AKAP13: variants seen among roughly 807,000 people sequenced by gnomAD.
AKAP13 encodes the protein A-kinase anchoring protein 13, also known as A-kinase anchor protein 13.
AKAP13 carries 80 observed loss-of-function variants against 264.5 expected under a neutral mutation model. That is an observed-to-expected ratio of 0.30 (90% CI 0.25 to 0.36). The LOEUF is 0.36. Ranked by LOEUF, AKAP13 falls within the 10% of genes least tolerant of loss-of-function variation. The pLI is 1.00. For missense variants in AKAP13, 3,712 were observed against 3,435.2 expected (o/e 1.08, Z -2.01); for synonymous variants, 1,380 against 1,250.2 (o/e 1.10, Z -2.19).
In AKAP13 at chr15:85,523,054, A is replaced by G. The variant is rs537084030; in HGVS notation, c.181+1479A>G. On this transcript the variant is annotated intron_variant, in intron 3 of 36. Coordinates refer to ENST00000394518, the MANE Select transcript of AKAP13 (RefSeq NM_007200.5). Reference sequence around the variant, plus strand: ...TAACAGAAGGATTAGAGTCCTTGAAAGACCTTTTTTTACTTCTGGAAGGCC... The same window carrying G: ...TAACAGAAGGATTAGAGTCCTTGAAGGACCTTTTTTTACTTCTGGAAGGCC... 2.6e-5 allele frequency among the ~76,000 whole-genome samples: 4 copies of G among 152,052 alleles called. No individual in the cohort carries two copies. The South Asian group carries it at 8.3e-4, about 32-fold the overall frequency.
At chr15:85,657,496 G>T (rs889887686) in intron 11 of AKAP13, among the ~76,000 whole-genome samples, 1 of 152,140 alleles carries the variant, frequency 6.6e-6, no homozygotes, top group Non-Finnish European at 1.5e-5. Context: ...GTTTGCAGAT[G>T]AGAAGACTGG....
chr15:85,405,849 C>T (rs2071636236), intron 1 of AKAP13, among the ~76,000 whole-genome samples: 1 of 152,080 alleles, frequency 6.6e-6, no homozygotes, highest in Non-Finnish European at 1.5e-5. Flanking sequence ...CCCTCACCCC[C>T]CACCCTCTTT....
intron 17 of AKAP13, chr15:85,702,854 G>A (rs1307093874): frequency 6.6e-6 from 1 of 152,216 alleles, no homozygotes; most frequent in African/African-American, 2.4e-5. Flanking sequence ...ATAGTCAGCT[G>A]TTCTTTCCAG....
At chr15:85,686,096 T>TAAGTA (rs2084896011) in intron 16 of AKAP13, among the ~76,000 whole-genome samples, 1 of 151,784 alleles carries the variant, frequency 6.6e-6, no homozygotes, top group Non-Finnish European at 1.5e-5. Flanking sequence ...AATAAAGACA[T>TAAGTA]AAGTAAATAA....
At chr15:85,662,865 G>A (rs890601523) in intron 12 of AKAP13, among the ~76,000 whole-genome samples, 2 of 146,352 alleles carry the variant, frequency 1.4e-5, no homozygotes, top group East Asian at 4.0e-4. Context: ...ACTCCTCATC[G>A]TTTCATATTC....
intron 33 of AKAP13, among the ~76,000 whole-genome samples, chr15:85,739,263 C>T (rs1240616839): frequency 6.6e-6 from 1 of 152,226 alleles, no homozygotes; most frequent in African/African-American, 2.4e-5. Flanking sequence ...TACAAATGCT[C>T]ATTTTCATCT....
chr15:85,494,828 G>A (rs1269620415), intron 2 of AKAP13, among the ~76,000 whole-genome samples: 3 of 152,050 alleles, frequency 2.0e-5, no homozygotes, highest in Non-Finnish European at 2.9e-5. Flanking sequence ...GCGCAGAGAA[G>A]TTATAGTATA....
intron 1 of AKAP13, among the ~76,000 whole-genome samples, chr15:85,458,803 C>G (rs960787489): frequency 1.3e-5 from 2 of 152,178 alleles, no homozygotes; most frequent in Admixed American, 1.3e-4. Context: ...TCCGTGACAA[C>G]TTGGTGCCAT....
In AKAP13 at chr15:85,485,703, G is replaced by A. The variant is rs1387402625; in HGVS notation, c.-11-7G>A. The A allele has an allele frequency of 6.2e-7, 1 of 1,612,584 alleles. No homozygotes were observed. The highest frequency in any genetic ancestry group is 1.3e-5 in the African/African-American group (1 of 74,982). On this transcript the variant is annotated splice_region_variant and splice_polypyrimidine_tract_variant and intron_variant, in intron 1 of 36. Coordinates refer to ENST00000394518, the MANE Select transcript of AKAP13 (RefSeq NM_007200.5). ...TTTTATTCTCATTTATTCCATTTCT[G>A]TTTCAGTGTCCTGGGTCATGAAACT...
intron 4 of AKAP13, among the ~76,000 whole-genome samples, chr15:85,541,193 A>C (rs575013255): frequency 1.3e-5 from 2 of 152,352 alleles, no homozygotes; most frequent in African/African-American, 4.8e-5. Flanking sequence ...AAATCACCTA[A>C]AATTGTAACT....
At chr15:85,590,343 G>C (rs558600227) in intron 8 of AKAP13, among the ~76,000 whole-genome samples, 11 of 152,142 alleles carry the variant, frequency 7.2e-5, no homozygotes, top group Non-Finnish European at 1.3e-4. Flanking sequence ...AACCTCTGTC[G>C]AGTGGCACTA....
intron 1 of AKAP13, among the ~76,000 whole-genome samples, chr15:85,390,807 G>A (rs2070819981): frequency 6.6e-6 from 1 of 152,182 alleles, no homozygotes; most frequent in African/African-American, 2.4e-5. Context: ...AAATTAAGGA[G>A]GATTCCTAGG....
At chr15:85,441,757 T>A (rs1257454562) in intron 1 of AKAP13, among the ~76,000 whole-genome samples, 1 of 141,788 alleles carries the variant, frequency 7.1e-6, no homozygotes. Context: ...TATTGACAAG[T>A]CTCTTAAAAG....
chr15:85,734,730 T>A (rs2088314844), intron 30 of AKAP13, among the ~76,000 whole-genome samples: 1 of 152,220 alleles, frequency 6.6e-6, no homozygotes, highest in Non-Finnish European at 1.5e-5. Flanking sequence ...TCACTTCTAG[T>A]AAATTACTCT....
chr15:85,542,038 C>G (rs1019478677), intron 4 of AKAP13, among the ~76,000 whole-genome samples: 12 of 152,228 alleles, frequency 7.9e-5, no homozygotes, highest in African/African-American at 2.9e-4. Context: ...TTGGAAATAA[C>G]TAGCCTCTAA....
rs761673475 is a variant in AKAP13 at position 85,715,960 on chromosome 15, C to G, written c.5735+37C>G. ...TATTTAAAGATAGCACAGTTGGCATCTAGGTGACCAGAGCATAATAATCAC... is the reference window on the plus strand; with the variant it reads ...TATTTAAAGATAGCACAGTTGGCATGTAGGTGACCAGAGCATAATAATCAC... On this transcript the variant is annotated intron_variant, in intron 20 of 36. Coordinates refer to ENST00000394518, the MANE Select transcript of AKAP13 (RefSeq NM_007200.5). 3.2e-6 allele frequency: 5 copies of G among 1,586,152 alleles called. No homozygotes were observed. In the South Asian group the frequency reaches 4.6e-5, roughly 15 times the overall value.
At chr15:85,720,749 T>C (rs893996473) in intron 23 of AKAP13, among the ~76,000 whole-genome samples, 29 of 152,236 alleles carry the variant, frequency 1.9e-4, no homozygotes, top group African/African-American at 6.8e-4. Flanking sequence ...CTTTGTGTTC[T>C]TGAGCCCATA....
chr15:85,667,260 C>T (rs952703856), intron 13 of AKAP13, among the ~76,000 whole-genome samples: 1 of 152,134 alleles, frequency 6.6e-6, no homozygotes, highest in Non-Finnish European at 1.5e-5. Context: ...AACACTTATG[C>T]TTGTGTGAGA....
chr15:85,668,221 C>G (rs1370564988), intron 13 of AKAP13, among the ~76,000 whole-genome samples: 3 of 152,188 alleles, frequency 2.0e-5, no homozygotes, highest in Non-Finnish European at 4.4e-5. Context: ...GAAACAAGCT[C>G]TAAATAATCA....
Sources: allele counts gnomAD v4.1 joint callset (sites outside exome capture counted in the v4.1 genomes callset), GRCh38; gene constraint gnomAD v4.1.1; transcripts MANE v1.5; gene names NCBI Gene and HGNC (gene_info 2026-07-23, HGNC 2026-07-21).